The following NTM variants were observed in gnomAD, a reference collection of about 807,000 sequenced individuals.
The protein encoded by NTM is neurotrimin.
Under a neutral mutation model 42.1 loss-of-function variants are expected in NTM, and 13 were observed. That is an observed-to-expected ratio of 0.31 (90% confidence interval 0.20 to 0.49). The LOEUF is 0.49. Ranked by LOEUF, NTM falls within the 20% of genes least tolerant of loss-of-function variation. The probability of loss-of-function intolerance (pLI) is 0.99; values close to 1 mark genes in which losing one functional copy is unlikely to be tolerated. For synonymous variants in NTM, 187 were observed against 179.2 expected, an observed-to-expected ratio of 1.04 and a Z score of -0.35; for missense variants, 373 against 452.8, an observed-to-expected ratio of 0.82 and a Z score of 1.60.
chr11:131,556,185 C>A (rs909017883), intron 1 of NTM, among the ~76,000 whole-genome samples: 4 of 152,282 alleles, frequency 2.6e-5, no homozygotes, highest in African/African-American at 9.6e-5. Flanking sequence ...GAGGATGCCT[C>A]TAATGTCAAA....
At chr11:132,100,615 G>A (rs755923193) in intron 2 of NTM, among the ~76,000 whole-genome samples, 2 of 152,112 alleles carry the variant, frequency 1.3e-5, no homozygotes, top group African/African-American at 2.4e-5. Flanking sequence ...AAACTTACTC[G>A]AATGGCCATA....
chr11:131,595,649 G>A (rs552295391), intron 1 of NTM, among the ~76,000 whole-genome samples: 5 of 152,292 alleles, frequency 3.3e-5, no homozygotes, highest in East Asian at 1.9e-4. Flanking sequence ...TTGCCGGAAC[G>A]GACTCTTCAC....
intron 1 of NTM, among the ~76,000 whole-genome samples, chr11:131,887,070 G>T (rs540224132): frequency 1.3e-5 from 2 of 152,286 alleles, no homozygotes; most frequent in African/African-American, 4.8e-5. Context: ...GTAACGTACA[G>T]CATGATGACT....
intron 2 of NTM, among the ~76,000 whole-genome samples, chr11:131,927,157 G>A (rs2058056220): frequency 1.3e-5 from 2 of 152,154 alleles, no homozygotes; most frequent in Non-Finnish European, 1.5e-5. Context: ...TGTATGCTAA[G>A]GAAGTGAGAT....
chr11:132,228,303 G>C (rs941639766), intron 4 of NTM, among the ~76,000 whole-genome samples: 10 of 152,152 alleles, frequency 6.6e-5, no homozygotes, highest in Non-Finnish European at 1.2e-4. Context: ...CTACATCAAG[G>C]GGGCAGAGGA....
rs570362734 is a variant in NTM at position 132,320,777 on chromosome 11, TCTGA to T, written c.934+6076_934+6079del. ...ACCTCTGCAGACTTAAATGTCCCTG[TCTGA>T]CAGCTTTGAAGAGAGCAGTGGTTCT... On this transcript the variant is annotated intron_variant, in intron 7 of 8. Coordinates refer to ENST00000683400, the MANE Select transcript of NTM (RefSeq NM_001352005.2). Among the ~76,000 whole-genome samples the T allele has an allele frequency of 1.3e-4, 20 of 151,814 alleles. No individual in the cohort carries two copies. In the East Asian group the frequency reaches 1.8e-3, roughly 13 times the overall value.
intron 7 of NTM, among the ~76,000 whole-genome samples, chr11:132,323,511 A>C (rs2136313916): frequency 6.6e-6 from 1 of 151,470 alleles, no homozygotes; most frequent in South Asian, 2.1e-4. Context: ...CAATAACAGG[A>C]TCTGAAATTG....
At chr11:131,652,715 A>G (rs1247489154) in intron 1 of NTM, among the ~76,000 whole-genome samples, 1 of 152,166 alleles carries the variant, frequency 6.6e-6, no homozygotes, top group Non-Finnish European at 1.5e-5. Context: ...CCTGTTGGGC[A>G]GCGGGACTTA....
chr11:132,187,593 C>A (rs1228142527), intron 3 of NTM, among the ~76,000 whole-genome samples: 1 of 152,172 alleles, frequency 6.6e-6, no homozygotes, highest in Non-Finnish European at 1.5e-5. Context: ...CAGCAGCTAA[C>A]TACCCTGTGC....
chr11:132,073,197 A>C (rs2057931257), intron 2 of NTM, among the ~76,000 whole-genome samples: 1 of 152,194 alleles, frequency 6.6e-6, no homozygotes, highest in African/African-American at 2.4e-5. Flanking sequence ...ACGAGGAGCC[A>C]AAATGGGGAC....
intron 1 of NTM, among the ~76,000 whole-genome samples, chr11:131,822,314 C>A (rs940577256): frequency 3.9e-5 from 6 of 152,136 alleles, no homozygotes; most frequent in South Asian, 4.1e-4. Context: ...TGCTTGTCCC[C>A]AAAGACTCTC....
At position 132,212,120 on chromosome 11, in the gene NTM, G is replaced by A. The variant is rs2082941900; in HGVS notation, c.499G>A (p.Val167Ile). Residue 167 changes from valine to isoleucine, a missense_variant, in exon 4 of 9, where the codon GTT becomes ATT. By Grantham distance (29) the Val-to-Ile change is conservative. This residue lies in a region of NTM where 312 missense variants were observed against 353.5 expected (regional missense o/e 0.88). Transcript: ENST00000683400. Reference protein sequence around the residue: ...CIATGRPEPTVTWRHISPKAV... With the variant: ...CIATGRPEPTITWRHISPKAV... ...AGCAACTGGTAGACCAGAGCCTACG[G>A]TTACTTGGAGACACATCTCTCCCAA... The A allele has an allele frequency of 6.2e-7, 1 of 1,613,566 alleles. No individual in the cohort carries two copies. Among genetic ancestry groups the A allele is most frequent in the South Asian group, 1.1e-5 (1 of 90,964 alleles).
In NTM at chr11:131,935,278, C is replaced by G. The variant is rs553973246; in HGVS notation, c.167+23630C>G. Among the ~76,000 whole-genome samples the G allele has an allele frequency of 1.4e-4, 21 of 152,282 alleles. No individual in the cohort carries two copies. In the South Asian group the frequency reaches 4.1e-3, roughly 30 times the overall value. On this transcript the variant is annotated intron_variant, in intron 2 of 8. Transcript: ENST00000683400. The stretch of plus-strand genomic sequence containing the variant: ...CAGCTTGAGAAGTACTCAGAGATTT[C>G]TTTGCCACATTACTACTTTGAATTA...
intron 7 of NTM, among the ~76,000 whole-genome samples, chr11:132,316,676 T>A (rs1296259475): frequency 6.6e-6 from 1 of 152,124 alleles, no homozygotes; most frequent in South Asian, 2.1e-4. Flanking sequence ...AGTTGAGAGA[T>A]CATTCCTGAG....
At chr11:132,245,944 C>T (rs2091061828) in intron 4 of NTM, among the ~76,000 whole-genome samples, 2 of 152,174 alleles carry the variant, frequency 1.3e-5, no homozygotes. Flanking sequence ...CTACTCATCC[C>T]AGCTGCCGCG....
At chr11:131,727,052 T>C (rs2079058529) in intron 1 of NTM, among the ~76,000 whole-genome samples, 1 of 151,318 alleles carries the variant, frequency 6.6e-6, no homozygotes, top group Admixed American at 6.6e-5. Context: ...CTAACCCCTC[T>C]TACACAGCCA....
At chr11:132,061,170 T>C (rs2080609813) in intron 2 of NTM, among the ~76,000 whole-genome samples, 1 of 152,232 alleles carries the variant, frequency 6.6e-6, no homozygotes, top group African/African-American at 2.4e-5. Flanking sequence ...ATAAGTTCAC[T>C]ATCTAAGAAG....
At chr11:131,643,538 ACTCT>A (rs138097203) in intron 1 of NTM, among the ~76,000 whole-genome samples, 4 of 147,934 alleles carry the variant, frequency 2.7e-5, no homozygotes, top group Non-Finnish European at 6.0e-5. Context: ...GCTCTACTCA[ACTCT>A]CTCTCTCTCT....
intron 1 of NTM, among the ~76,000 whole-genome samples, chr11:131,450,403 G>C (rs1458340243): frequency 6.6e-6 from 1 of 152,146 alleles, no homozygotes; most frequent in Non-Finnish European, 1.5e-5. Context: ...ACAGTTCCTT[G>C]CAGCTGTCAC....
Sources: allele counts gnomAD v4.1 joint callset (sites outside exome capture counted in the v4.1 genomes callset), GRCh38; gene constraint gnomAD v4.1.1; regional missense constraint gnomAD v4.1.1; transcripts MANE v1.5; gene names NCBI Gene and HGNC (gene_info 2026-07-23, HGNC 2026-07-21).